TBC1D1: variants seen among roughly 807,000 people sequenced by gnomAD.
TBC1D1 encodes the protein TBC1 domain family member 1.
In TBC1D1, 89 loss-of-function variants were observed where a neutral mutation model predicts 125.6. That is an observed-to-expected ratio of 0.71 (90% CI 0.60 to 0.85). The LOEUF (loss-of-function observed/expected upper bound fraction) is 0.85. TBC1D1 is among the 40% of genes least tolerant of loss of function. TBC1D1 has a pLI of 0.00. For synonymous variants in TBC1D1, 565 were observed against 564.1 expected (o/e 1.00, Z -0.02); for missense variants, 1,377 against 1,469.2 (o/e 0.94, Z 1.03).
intron 13 of TBC1D1, among the ~76,000 whole-genome samples, chr4:38,092,794 CAG>C (rs962586537): frequency 7.2e-5 from 11 of 151,730 alleles, no homozygotes; most frequent in African/African-American, 2.2e-4. Context: ...TTCAGGGTCT[CAG>C]GGGGCCAGAA....
intron 14 of TBC1D1, among the ~76,000 whole-genome samples, chr4:38,096,656 T>A (rs1229226856): frequency 6.6e-6 from 1 of 152,232 alleles, no homozygotes; most frequent in Admixed American, 6.5e-5. Context: ...TCACTGTTTT[T>A]TCAGTGAGAT....
intron 18 of TBC1D1, among the ~76,000 whole-genome samples, chr4:38,128,684 G>A (rs1193520812): frequency 6.6e-6 from 1 of 152,184 alleles, no homozygotes; most frequent in East Asian, 1.9e-4. Flanking sequence ...GCTCAATGTG[G>A]ACAGGCTGAA....
chr4:38,035,828 A>G (rs569037201), intron 8 of TBC1D1, 130 bp downstream of exon 8: 5 of 715,440 alleles, frequency 7.0e-6, no homozygotes, highest in African/African-American at 1.8e-5. Context: ...TTTGTTGCAC[A>G]TAGAGGGGAA....
rs1001786015 is a variant in TBC1D1 at position 38,101,526 on chromosome 4, T to C, written c.2399-1473T>C. On this transcript the variant is annotated intron_variant, in intron 14 of 19. Transcript: ENST00000261439. ...TAGACATTTTTAATCACTGTGAGTA[T>C]TCAAATTAATCACATGCAAAGCATT... 6.2e-4 allele frequency among the ~76,000 whole-genome samples: 95 copies of C among 152,338 alleles called. 1 individual carries two copies. Among genetic ancestry groups the C allele is most frequent in the Admixed American group, 6.1e-3 (93 of 15,306 alleles).
At chr4:37,994,302 G>GT (rs1737286373) in intron 2 of TBC1D1, among the ~76,000 whole-genome samples, 1 of 152,082 alleles carries the variant, frequency 6.6e-6, no homozygotes, top group Non-Finnish European at 1.5e-5. Flanking sequence ...TTTTTTGTTT[G>GT]TTTTTTGAGA....
At chr4:37,991,808 C>T (rs997441654) in intron 2 of TBC1D1, among the ~76,000 whole-genome samples, 1 of 152,122 alleles carries the variant, frequency 6.6e-6, no homozygotes, top group Admixed American at 6.5e-5. Flanking sequence ...CAGATGCCAG[C>T]CATTCCAGCC....
chr4:38,081,905 A>G (rs2152525967), intron 12 of TBC1D1, among the ~76,000 whole-genome samples: 1 of 152,304 alleles, frequency 6.6e-6, no homozygotes, highest in East Asian at 1.9e-4. Flanking sequence ...AGGATGAGCC[A>G]GCCAAGTTCT....
intron 11 of TBC1D1, among the ~76,000 whole-genome samples, chr4:38,051,471 T>C (rs745507296): frequency 2.4e-4 from 36 of 151,744 alleles, no homozygotes; most frequent in Non-Finnish European, 4.1e-4. Flanking sequence ...AAAAAGAAAA[T>C]AGAGAAAGAA....
chr4:38,058,809 A>G (rs771380568), intron 12 of TBC1D1, among the ~76,000 whole-genome samples: 15 of 152,348 alleles, frequency 9.8e-5, no homozygotes, highest in African/African-American at 1.4e-4. Flanking sequence ...AAGGAAAAAT[A>G]GAAACTTTCT....
intron 2 of TBC1D1, among the ~76,000 whole-genome samples, chr4:38,001,617 A>G (rs1739105460): frequency 6.6e-6 from 1 of 152,236 alleles, no homozygotes. Context: ...AAACTCAGGT[A>G]CAGTTGATAG....
chr4:37,917,311 T>C lies in TBC1D1; in HGVS notation c.417+14799T>C, dbSNP rs1373701850. On this transcript the variant is annotated intron_variant, in intron 2 of 19. Coordinates refer to ENST00000261439, the MANE Select transcript of TBC1D1 (RefSeq NM_015173.4). The stretch of plus-strand genomic sequence containing the variant: ...CAACATGGTGAAACCCCGTCTCTAC[T>C]AAAAAATACAAAAATTAGCTGGGCG... Among the ~76,000 whole-genome samples, 5 of 151,148 alleles carry C rather than the reference T, an allele frequency of 3.3e-5. No individual in the cohort carries two copies. In the East Asian group the frequency reaches 9.9e-4, roughly 30 times the overall value.
chr4:38,106,114 G>A (rs1761257332), intron 15 of TBC1D1, among the ~76,000 whole-genome samples: 1 of 152,284 alleles, frequency 6.6e-6, no homozygotes, highest in Admixed American at 6.5e-5. Flanking sequence ...GGGCTGTTTG[G>A]CCATTATACC....
At chr4:37,896,179 G>A (rs1192745015) in intron 1 of TBC1D1, among the ~76,000 whole-genome samples, 2 of 152,108 alleles carry the variant, frequency 1.3e-5, no homozygotes, top group East Asian at 1.9e-4. Flanking sequence ...AGAGCTAGAG[G>A]CCACTAGCAC....
At position 38,127,381 on chromosome 4, in the gene TBC1D1, C is replaced by CTTT. The variant is rs35658047; in HGVS notation, c.3132+2269_3132+2271dup. ...AAGTTGCCATTCATTTTTCCACTGA[C>CTTT]TTTTTTTTTTTTTTTTTTTTTGAGA... is the stretch of plus-strand genomic sequence containing the variant. On this transcript the variant is annotated intron_variant, in intron 18 of 19. Transcript: ENST00000261439. Among the ~76,000 whole-genome samples the CTTT allele has an allele frequency of 1.1e-3, 143 of 124,394 alleles. 3 individuals carry two copies. The highest frequency in any genetic ancestry group is 4.2e-3 in the African/African-American group (131 of 31,274). The allele number at this position is 124,394 out of a possible 152,430, so 81.6% of individuals were successfully genotyped here.
intron 17 of TBC1D1, among the ~76,000 whole-genome samples, chr4:38,118,779 G>C (rs1487017429): frequency 6.6e-6 from 1 of 152,204 alleles, no homozygotes; most frequent in African/African-American, 2.4e-5. Context: ...ACATGTCACA[G>C]CCACTGCCAC....
At chr4:38,043,338 C>T (rs886996143) in intron 8 of TBC1D1, among the ~76,000 whole-genome samples, 3 of 151,884 alleles carry the variant, frequency 2.0e-5, no homozygotes, top group Non-Finnish European at 2.9e-5. Flanking sequence ...TAGCTCACTC[C>T]TGTAATCCCA....
intron 2 of TBC1D1, among the ~76,000 whole-genome samples, chr4:37,906,876 T>G (rs1214238591): frequency 6.6e-6 from 1 of 152,236 alleles, no homozygotes; most frequent in Non-Finnish European, 1.5e-5. Flanking sequence ...TTCTTTTCAC[T>G]CCTCAAAGTT....
At chr4:38,129,093 T>C (rs762929467) in intron 18 of TBC1D1, among the ~76,000 whole-genome samples, 1 of 152,096 alleles carries the variant, frequency 6.6e-6, no homozygotes, top group Non-Finnish European at 1.5e-5. Context: ...CGAGACCTGC[T>C]GAATCAGAAT....
chr4:38,049,837 G>C lies in TBC1D1; in HGVS notation c.1849G>C (p.Val617Leu). The C allele has an allele frequency of 6.2e-7, 1 of 1,614,082 alleles. No homozygotes were observed. Among genetic ancestry groups the C allele is most frequent in the East Asian group, 2.2e-5 (1 of 44,856 alleles). The change falls in exon 11 of 20, where the codon GTT becomes CTT. Residue 617 changes from valine to leucine, a missense_variant. Around this residue, in one of 3 missense-constraint regions of TBC1D1, gnomAD observed 822 missense variants for 824.6 expected, o/e 1.00. Transcript: ENST00000261439. ...ACAACCTGCCCGGGGGTCCCCGGGG[G>C]TTTCGCAAAGGAAACTTATGAGGTA...
Sources: gnomAD v4.1 joint callset for allele counts (sites outside exome capture counted in the v4.1 genomes callset) on GRCh38, gnomAD v4.1.1 for gene constraint, gnomAD v4.1.1 regional missense constraint, MANE v1.5 for transcripts, NCBI Gene and HGNC (gene_info 2026-07-23, HGNC 2026-07-21) for gene names.